ZNF536: variants seen among roughly 807,000 people sequenced by gnomAD.
The protein encoded by ZNF536 is zinc finger protein 536.
In ZNF536, 13 loss-of-function variants were observed where a neutral mutation model predicts 84.5. The ratio of observed to expected loss-of-function variants is 0.15; its 90% CI spans 0.10 to 0.24. The LOEUF (loss-of-function observed/expected upper bound fraction) is 0.24, where lower values mean the gene tolerates loss of function less well. ZNF536 is among the 10% of genes least tolerant of loss of function. The probability of loss-of-function intolerance (pLI) is 1.00; values close to 1 mark genes in which losing one functional copy is unlikely to be tolerated. For synonymous variants in ZNF536, 811 were observed against 742.5 expected (o/e 1.09, Z -1.50); for missense variants, 1,536 against 1,747.5 (o/e 0.88, Z 2.16).
chr19:30,451,540 A>C (rs1355680979), intron 2 of ZNF536, among the ~76,000 whole-genome samples: 1 of 152,178 alleles, frequency 6.6e-6, no homozygotes, highest in East Asian at 1.9e-4. Flanking sequence ...TTTCAGAAAG[A>C]GGGTACTTGC....
chr19:30,654,310 T>C (rs147273066), intron 1 of ZNF536, among the ~76,000 whole-genome samples: 2 of 152,216 alleles, frequency 1.3e-5, no homozygotes, highest in African/African-American at 4.8e-5. Context: ...TTGGGGATCA[T>C]CACAAAATCT....
intron 2 of ZNF536, among the ~76,000 whole-genome samples, chr19:30,478,155 G>T (rs1222746428): frequency 2.2e-5 from 3 of 134,804 alleles, no homozygotes; most frequent in South Asian, 2.4e-4. Context: ...AATCCTTGGT[G>T]TTTTTTTTTT....
At chr19:30,526,719 G>A (rs1288794634) in intron 2 of ZNF536, among the ~76,000 whole-genome samples, 5 of 78,834 alleles carry the variant, frequency 6.3e-5, no homozygotes, top group Non-Finnish European at 1.2e-4. Flanking sequence ...GCGAGACTCC[G>A]TCTCAAAAAA....
intron 1 of ZNF536, among the ~76,000 whole-genome samples, chr19:30,571,717 C>G (rs1247829361): frequency 1.3e-5 from 2 of 152,140 alleles, no homozygotes; most frequent in Admixed American, 6.5e-5. Context: ...CGGTCTCAGG[C>G]CCCTCTCACC....
chr19:30,273,965 A>G (rs1030177079), intron 1 of ZNF536, among the ~76,000 whole-genome samples: 1 of 152,260 alleles, frequency 6.6e-6, no homozygotes, highest in African/African-American at 2.4e-5. Context: ...TATATCAGTT[A>G]ATAGAATTAT....
upstream of ZNF536, among the ~76,000 whole-genome samples, chr19:30,370,953 G>A (rs1029021716): frequency 2.6e-5 from 4 of 152,140 alleles, no homozygotes; most frequent in African/African-American, 4.8e-5. Flanking sequence ...GCAGCACTCC[G>A]TGTAAAAAAT....
chr19:30,533,661 G>A (rs2044951425), intron 2 of ZNF536, among the ~76,000 whole-genome samples: 1 of 152,222 alleles, frequency 6.6e-6, no homozygotes, highest in Admixed American at 6.5e-5. Context: ...TGCTTGGAAG[G>A]CACAGATCTT....
At chr19:30,354,276 T>C (rs1464201788) in intron 3 of ZNF536, among the ~76,000 whole-genome samples, 3 of 152,194 alleles carry the variant, frequency 2.0e-5, no homozygotes. Flanking sequence ...GACACAGATA[T>C]CCTTTGGATG....
intron 1 of ZNF536, among the ~76,000 whole-genome samples, chr19:30,388,106 G>T (rs2049420441): frequency 1.3e-5 from 2 of 152,162 alleles, no homozygotes; most frequent in Non-Finnish European, 2.9e-5. Context: ...TATAAGTACT[G>T]GGAGAAACAC....
At chr19:30,440,149 C>T (rs746289552) in intron 1 of ZNF536, among the ~76,000 whole-genome samples, 2 of 151,620 alleles carry the variant, frequency 1.3e-5, no homozygotes, top group African/African-American at 2.4e-5. Context: ...TTAGTAGAGA[C>T]GAAGTTTCAA....
At chr19:30,401,761 G>A (rs2050056290) in intron 1 of ZNF536, among the ~76,000 whole-genome samples, 1 of 152,204 alleles carries the variant, frequency 6.6e-6, no homozygotes, top group Non-Finnish European at 1.5e-5. Flanking sequence ...GTGGGTGGTA[G>A]GTGTGTTTTC....
chr19:30,384,463 CCCTCT>C (rs2049256447), intron 1 of ZNF536, among the ~76,000 whole-genome samples: 1 of 151,154 alleles, frequency 6.6e-6, no homozygotes, highest in African/African-American at 2.4e-5. Context: ...ATGGCCAAGA[CCCTCT>C]TGTGGATGCA....
intron 2 of ZNF536, among the ~76,000 whole-genome samples, chr19:30,295,513 T>C (rs988273759): frequency 6.6e-6 from 1 of 152,224 alleles, no homozygotes; most frequent in East Asian, 1.9e-4. Flanking sequence ...AGAATTTGAA[T>C]TTCTAACAAA....
intron 2 of ZNF536, among the ~76,000 whole-genome samples, chr19:30,478,742 G>A (rs943092320): frequency 5.3e-5 from 8 of 152,110 alleles, no homozygotes; most frequent in South Asian, 4.1e-4. Flanking sequence ...CCTGTAAGTC[G>A]AACTGGATTC....
intron 1 of ZNF536, among the ~76,000 whole-genome samples, chr19:30,570,092 C>T (rs1390933037): frequency 6.6e-6 from 1 of 152,178 alleles, no homozygotes; most frequent in Non-Finnish European, 1.5e-5. Flanking sequence ...CCCCAGATAT[C>T]AGTAGCAATA....
At chr19:30,361,219 T>C (rs935965492) in intron 3 of ZNF536, among the ~76,000 whole-genome samples, 1 of 152,258 alleles carries the variant, frequency 6.6e-6, no homozygotes, top group Non-Finnish European at 1.5e-5. Context: ...CTTCTTGCCA[T>C]TCGGCACCCG....
chr19:30,503,161 A>G (rs899571258), intron 2 of ZNF536, among the ~76,000 whole-genome samples: 3 of 121,920 alleles, frequency 2.5e-5, no homozygotes, highest in Admixed American at 8.2e-5. Context: ...GTGTGTATGC[A>G]CACACACACA....
upstream of ZNF536, among the ~76,000 whole-genome samples, chr19:30,370,811 G>A (rs571765920): frequency 5.9e-5 from 9 of 152,166 alleles, no homozygotes; most frequent in Non-Finnish European, 7.4e-5. Context: ...TGATAAGTAC[G>A]TATTTTTGGA....
Position 30,543,859 on chromosome 19 carries a change from AGAC to A in ZNF536, c.2324-4083_2324-4081del, listed in dbSNP as rs552626031. On this transcript the variant is annotated intron_variant, in intron 3 of 4. Transcript: ENST00000355537. Reference sequence around the variant, plus strand: ...GCTGGGATGTTTCCAGTGGAGCACAAGACCCTGGGGCTGCTGGGGCTCTAAGGA... The same window carrying A: ...GCTGGGATGTTTCCAGTGGAGCACAACCTGGGGCTGCTGGGGCTCTAAGGA... Among the ~76,000 whole-genome samples, 260 of 152,234 alleles carry A rather than the reference AGAC, an allele frequency of 1.7e-3. 4 individuals are homozygous for A. Among genetic ancestry groups the A allele is most frequent in the African/African-American group, 6.0e-3 (250 of 41,544 alleles).
Sources: gnomAD v4.1 joint callset for allele counts (sites outside exome capture counted in the v4.1 genomes callset) on GRCh38, gnomAD v4.1.1 for gene constraint, MANE v1.5 for transcripts, NCBI Gene and HGNC (gene_info 2026-07-23, HGNC 2026-07-21) for gene names.